Variants in EYA2 observed in about 807,000 individuals in gnomAD.
EYA2 encodes EYA transcriptional coactivator and phosphatase 2.
In EYA2, 31 loss-of-function variants were observed where a neutral mutation model predicts 69.2. The observed-to-expected ratio is 0.45, with a 90% CI of 0.34 to 0.60. The LOEUF is 0.60. Among genes scored for constraint, EYA2 ranks in the 20% least tolerant of loss-of-function variants. The pLI is 0.02. For missense variants in EYA2, 622 were observed against 701.2 expected, an observed-to-expected ratio of 0.89 and a Z score of 1.28; for synonymous variants, 257 against 279.4, an observed-to-expected ratio of 0.92 and a Z score of 0.80.
intron 10 of EYA2, among the ~76,000 whole-genome samples, chr20:47,166,039 GA>G (rs1014591470): frequency 2.0e-5 from 3 of 151,298 alleles, no homozygotes; most frequent in African/African-American, 7.3e-5. Flanking sequence ...TTCAAAAAAA[GA>G]AAAAAAATGA....
intron 11 of EYA2, among the ~76,000 whole-genome samples, chr20:47,170,708 G>A (rs1275650907): frequency 6.6e-6 from 1 of 151,086 alleles, no homozygotes; most frequent in Non-Finnish European, 1.5e-5. Context: ...TTCCAAGCCT[G>A]CCCCTGGGAA....
intron 9 of EYA2, among the ~76,000 whole-genome samples, chr20:47,124,009 G>A (rs2033117560): frequency 2.0e-5 from 3 of 152,106 alleles, no homozygotes; most frequent in South Asian, 2.1e-4. Flanking sequence ...GGGGAGTGGG[G>A]GGCCTAATGA....
At chr20:46,962,642 G>A (rs1233730685) in intron 1 of EYA2, among the ~76,000 whole-genome samples, 1 of 152,192 alleles carries the variant, frequency 6.6e-6, no homozygotes, top group Admixed American at 6.5e-5. Flanking sequence ...CCTCTTCCAT[G>A]AAGCCTTCCC....
At chr20:46,977,877 C>T (rs973114503) in intron 1 of EYA2, among the ~76,000 whole-genome samples, 26 of 152,148 alleles carry the variant, frequency 1.7e-4, no homozygotes, top group African/African-American at 5.6e-4. Flanking sequence ...TGATCACTTC[C>T]TTGTGGCTTG....
chr20:47,177,236 C>T (rs2034444841), intron 12 of EYA2, among the ~76,000 whole-genome samples: 1 of 152,132 alleles, frequency 6.6e-6, no homozygotes, highest in African/African-American at 2.4e-5. Flanking sequence ...CCTCAGCCTT[C>T]AGAATAGCTG....
chr20:46,993,308 C>A (rs894780908), intron 2 of EYA2, among the ~76,000 whole-genome samples: 2 of 152,216 alleles, frequency 1.3e-5, no homozygotes, highest in African/African-American at 4.8e-5. Context: ...CTTGTCTATC[C>A]CTGGAAGCCT....
intron 1 of EYA2, chr20:46,901,198 A>G (rs1288616733): frequency 1.3e-5 from 2 of 152,186 alleles, no homozygotes; most frequent in Non-Finnish European, 2.9e-5. Context: ...AAAAGCAGGT[A>G]CTGGGGCCTT....
chr20:46,985,292 G>C (rs1188829843), intron 1 of EYA2, among the ~76,000 whole-genome samples: 1 of 152,154 alleles, frequency 6.6e-6, no homozygotes, highest in East Asian at 1.9e-4. Context: ...TCTGTGTTAA[G>C]TGCTGTGGAG....
chr20:47,031,221 G>A (rs548987263), intron 5 of EYA2, among the ~76,000 whole-genome samples: 10 of 152,290 alleles, frequency 6.6e-5, no homozygotes, highest in East Asian at 1.9e-4. Flanking sequence ...TTGCAAATTC[G>A]GAAGAGCCAG....
At chr20:47,150,117 G>A (rs2033794063) in intron 10 of EYA2, among the ~76,000 whole-genome samples, 1 of 152,192 alleles carries the variant, frequency 6.6e-6, no homozygotes, top group Non-Finnish European at 1.5e-5. Flanking sequence ...TAATGCATCT[G>A]GCCAGGGAGT....
At chr20:47,089,490 G>C in intron 8 of EYA2, 109 bp downstream of exon 8, 3 of 1,303,534 alleles carry the variant, frequency 2.3e-6, no homozygotes, top group Non-Finnish European at 3.1e-6. Flanking sequence ...ATCGCCCTTC[G>C]TGTTTTACAA....
intron 1 of EYA2, among the ~76,000 whole-genome samples, chr20:46,915,690 C>A (rs748458091): frequency 5.9e-5 from 9 of 152,168 alleles, no homozygotes; most frequent in Non-Finnish European, 1.0e-4. Flanking sequence ...TAGGAGATTC[C>A]ATATAAAAAC....
At chr20:47,103,236 T>C (rs2032474253) in intron 9 of EYA2, among the ~76,000 whole-genome samples, 1 of 152,190 alleles carries the variant, frequency 6.6e-6, no homozygotes, top group Admixed American at 6.5e-5. Flanking sequence ...AAAGAAACCC[T>C]ATACTCACTA....
At chr20:47,104,657 A>G (rs1187380247) in intron 9 of EYA2, among the ~76,000 whole-genome samples, 1 of 152,180 alleles carries the variant, frequency 6.6e-6, no homozygotes, top group African/African-American at 2.4e-5. Context: ...ATGACTATCA[A>G]GTCGTCCCAG....
intron 1 of EYA2, among the ~76,000 whole-genome samples, chr20:46,928,468 G>A (rs956979052): frequency 2.0e-5 from 3 of 152,148 alleles, no homozygotes; most frequent in African/African-American, 7.2e-5. Context: ...TTTCCTCACT[G>A]GAGCCCTATA....
At chr20:47,096,944 C>A in intron 8 of EYA2, 141 bp from the exon 9 acceptor site, 1 of 664,990 alleles carries the variant, frequency 1.5e-6, no homozygotes. Context: ...ATTCATGACA[C>A]ATCAGTGAGT....
intron 9 of EYA2, among the ~76,000 whole-genome samples, chr20:47,115,654 G>A (rs1490798893): frequency 6.6e-6 from 1 of 151,976 alleles, no homozygotes; most frequent in Admixed American, 6.6e-5. Context: ...CTCTCCACGG[G>A]TCTGGACAGC....
chr20:47,054,194 C>G (rs964866037), intron 5 of EYA2, among the ~76,000 whole-genome samples: 5 of 152,236 alleles, frequency 3.3e-5, no homozygotes, highest in Middle Eastern at 3.4e-3. Flanking sequence ...GATTGTGAGG[C>G]ACTGAGCATT....
At chr20:47,170,646 CAAA>C (rs56782816) in intron 11 of EYA2, among the ~76,000 whole-genome samples, 12 of 84,496 alleles carry the variant, frequency 1.4e-4, no homozygotes, top group Admixed American at 1.4e-4. Context: ...GACTCCGTCT[CAAA>C]AAAAAAAAAA....
Sources: gnomAD v4.1 joint callset for allele counts (sites outside exome capture counted in the v4.1 genomes callset) on GRCh38, gnomAD v4.1.1 for gene constraint, MANE v1.5 for transcripts, NCBI Gene and HGNC (gene_info 2026-07-23, HGNC 2026-07-21) for gene names.